Variants in SLITRK5 observed in about 807,000 individuals in gnomAD.
SLITRK5 encodes the protein SLIT and NTRK-like protein 5.
A neutral mutation model predicts 56.2 loss-of-function variants in SLITRK5; 23 were observed. That is an observed-to-expected ratio of 0.41 (90% CI 0.29 to 0.58). The LOEUF (loss-of-function observed/expected upper bound fraction) is 0.58, where lower values mean the gene tolerates loss of function less well. Ranked by LOEUF, SLITRK5 falls within the 20% of genes least tolerant of loss-of-function variation. The pLI is 0.30. For missense variants in SLITRK5, 1,289 were observed against 1,226.6 expected, an observed-to-expected ratio of 1.05 and a Z score of -0.76; for synonymous variants, 637 against 531.8, an observed-to-expected ratio of 1.20 and a Z score of -2.72.
Position 87,675,809 on chromosome 13 carries a change from C to G in SLITRK5, c.421C>G (p.Leu141Val), listed in dbSNP as rs1877249041. The G allele has an allele frequency of 1.9e-6, 3 of 1,614,140 alleles. No homozygotes were observed. The highest frequency in any genetic ancestry group is 2.5e-6 in the Non-Finnish European group (3 of 1,180,030). ...GAGATTGCATCTAAACAATAATAAA[C>G]TGGAACTTCTGCGAGATGATACCTT... ...LRRLHLNNNK[L>V]ELLRDDTFLG... is the part of the protein sequence containing the mutation. The change falls in exon 2 of 2, where the codon CTG becomes GTG. Residue 141 changes from leucine to valine, a missense_variant. Coordinates refer to ENST00000683689, the MANE Select transcript of SLITRK5 (RefSeq NM_001384609.1).
In SLITRK5 at chr13:87,676,976, C is replaced by T. The variant is rs773184424; in HGVS notation, c.1588C>T (p.Leu530Phe). 3.1e-6 allele frequency: 5 copies of T among 1,614,060 alleles called. No homozygotes were observed. The highest frequency in any genetic ancestry group is 1.3e-5 in the African/African-American group (1 of 74,934). The stretch of plus-strand genomic sequence containing the variant: ...CTCAGGCGTCTTCTCTGGCTTGACC[C>T]TCCTCAGGCTAAACCTGAGGAGTAA... ...MPSGVFSGLT[L>F]LRLNLRSNHF... The change falls in exon 2 of 2, where the codon CTC becomes TTC. Residue 530 changes from leucine to phenylalanine, a missense_variant. By Grantham distance (22) the Leu-to-Phe change is conservative. This residue lies in a region of SLITRK5 where 985 missense variants were observed against 906.0 expected (regional missense o/e 1.09). Coordinates refer to ENST00000683689, the MANE Select transcript of SLITRK5 (RefSeq NM_001384609.1).
chr13:87,677,900 A>G lies in SLITRK5; in HGVS notation c.2512A>G (p.Ile838Val), dbSNP rs750930539. Residue 838 changes from isoleucine to valine, a missense_variant, in exon 2 of 2, where the codon ATC becomes GTC. Coordinates refer to ENST00000683689, the MANE Select transcript of SLITRK5 (RefSeq NM_001384609.1). The surrounding 1 kb of genome is among the most constrained non-coding windows in gnomAD (Gnocchi z 4.7). ...GAGCCCCGCCTACAGCGTCAGCACC[A>G]TCGAGCCCCGGGAGGACCTGCTGTC... ...LRSPAYSVST[I>V]EPREDLLSPV... 2 of 1,613,304 alleles carry G rather than the reference A, an allele frequency of 1.2e-6. No individual in the cohort carries two copies. The highest frequency in any genetic ancestry group is 1.7e-6 in the Non-Finnish European group (2 of 1,179,682).
chr13:87,674,007 AACACACACACAC>A (rs71101016), intron 1 of SLITRK5, among the ~76,000 whole-genome samples: 36 of 142,494 alleles, frequency 2.5e-4, no homozygotes, highest in East Asian at 1.0e-3. Flanking sequence ...CGCACACACA[AACACACACACAC>A]ACACACACAC....
rs1877025202 is a variant in SLITRK5, at chr13:87,671,589, A to C, written c.-629A>C. Among the ~76,000 whole-genome samples, 1 of 151,890 alleles carries C rather than the reference A, an allele frequency of 6.6e-6. No individual in the cohort carries two copies. Among genetic ancestry groups the C allele is most frequent in the Non-Finnish European group, 1.5e-5 (1 of 67,982 alleles). On this transcript the variant is annotated 5_prime_UTR_variant, in exon 1 of 2. Coordinates refer to ENST00000683689, the MANE Select transcript of SLITRK5 (RefSeq NM_001384609.1). ...TTTTTAGAGCCACCGGGCTGCCAGG[A>C]CAAGCCACAGGCATAGAACGACGCG... is the stretch of plus-strand genomic sequence containing the variant.
chr13:87,675,293 T>C, intron 1 of SLITRK5, 88 bp from the exon 2 acceptor site: 1 of 897,430 alleles, frequency 1.1e-6, no homozygotes, highest in Non-Finnish European at 1.8e-6. Context: ...TTTAGAGTAA[T>C]AATGTTAAGA....
At position 87,678,104 on chromosome 13, in the gene SLITRK5, G is replaced by A; in HGVS notation, c.2716G>A (p.Ala906Thr). 2 of 1,614,232 alleles carry A rather than the reference G, an allele frequency of 1.2e-6. No individual in the cohort carries two copies. Among genetic ancestry groups the A allele is most frequent in the East Asian group, 2.2e-5 (1 of 44,864 alleles). ...RRPHQYLHPG[A>T]GDSRLREPVL... ...CCCCCATCAGTATTTGCACCCGGGG[G>A]CAGGGGACAGCAGGCTACGGGAACC... The change falls in exon 2 of 2, where the codon GCA (alanine) becomes ACA (threonine). Residue 906 changes from alanine to threonine, a missense_variant. This residue lies in a region of SLITRK5 where 985 missense variants were observed against 906.0 expected (regional missense o/e 1.09). Coordinates refer to ENST00000683689, the MANE Select transcript of SLITRK5 (RefSeq NM_001384609.1).
rs1002422804 is a variant in SLITRK5, at chr13:87,671,886, C to T, written c.-332C>T. On this transcript the variant is annotated 5_prime_UTR_variant, in exon 1 of 2. Coordinates refer to ENST00000683689, the MANE Select transcript of SLITRK5 (RefSeq NM_001384609.1). Reference sequence around the variant, plus strand: ...TGGGGGGCGGAGGACAGCGCAGGAGCTGCAGCCGCCGCCTTCGCTGGAGCA... The same window carrying T: ...TGGGGGGCGGAGGACAGCGCAGGAGTTGCAGCCGCCGCCTTCGCTGGAGCA... Among the ~76,000 whole-genome samples, 1 of 152,058 alleles carries T rather than the reference C, an allele frequency of 6.6e-6. No individual in the cohort carries two copies. The highest frequency in any genetic ancestry group is 1.5e-5 in the Non-Finnish European group (1 of 68,000).
intron 1 of SLITRK5, chr13:87,673,529 T>G: frequency 2.3e-6 from 3 of 1,281,292 alleles, no homozygotes; most frequent in Non-Finnish European, 3.1e-6. Flanking sequence ...CCAACCTCGC[T>G]GAATGGATGT....
intron 1 of SLITRK5, among the ~76,000 whole-genome samples, chr13:87,674,969 G>A (rs375901906): frequency 2.0e-5 from 3 of 149,216 alleles, no homozygotes; most frequent in African/African-American, 7.4e-5. Flanking sequence ...GGGGGTGGGG[G>A]CTGGGTATAG....
In SLITRK5 at chr13:87,675,487, C is replaced by T. The variant is rs755181402; in HGVS notation, c.99C>T (p.Leu33=). The change falls in exon 2 of 2, where the codon CTC becomes CTT. Residue 33 remains leucine, a synonymous_variant. Coordinates refer to ENST00000683689, the MANE Select transcript of SLITRK5 (RefSeq NM_001384609.1). ...LQTLAFAVTS[L]VLSCAETIDY... ...CTCTAGCGTTTGCTGTAACATCTCT[C>T]GTCCTTTCGTGTGCAGAAACCATCG... The T allele has an allele frequency of 2.5e-6, 4 of 1,614,028 alleles. No individual in the cohort carries two copies. Among genetic ancestry groups the T allele is most frequent in the Non-Finnish European group, 2.5e-6 (3 of 1,180,006 alleles).
Position 87,671,813 on chromosome 13 carries a change from C to A in SLITRK5, c.-405C>A, listed in dbSNP as rs541711096. ...GGGGCCGCGGCGGCGGCGGGCTCGG[C>A]GCGGAGACAGCGTCGGCGGGATCCC... On this transcript the variant is annotated 5_prime_UTR_variant, in exon 1 of 2. Transcript: ENST00000683689. Among the ~76,000 whole-genome samples the A allele has an allele frequency of 6.6e-6, 1 of 151,992 alleles. No homozygotes were observed. The highest frequency in any genetic ancestry group is 1.5e-5 in the Non-Finnish European group (1 of 67,982).
chr13:87,674,859 G>A (rs1389702877), intron 1 of SLITRK5, among the ~76,000 whole-genome samples: 2 of 150,872 alleles, frequency 1.3e-5, no homozygotes, highest in Non-Finnish European at 3.0e-5. Context: ...TTCTAGCGAT[G>A]GTTTAAAATA....
intron 1 of SLITRK5, among the ~76,000 whole-genome samples, chr13:87,674,104 G>A (rs1253146939): frequency 1.3e-5 from 2 of 151,914 alleles, no homozygotes; most frequent in Non-Finnish European, 2.9e-5. Flanking sequence ...GGAAGTGGAA[G>A]GAAGCCTTCA....
chr13:87,671,828 G>C lies in SLITRK5; in HGVS notation c.-390G>C, dbSNP rs931585884. On this transcript the variant is annotated 5_prime_UTR_variant, in exon 1 of 2. Coordinates refer to ENST00000683689, the MANE Select transcript of SLITRK5 (RefSeq NM_001384609.1). ...GCGGGCTCGGCGCGGAGACAGCGTC[G>C]GCGGGATCCCAGCGCGGTGGTCGCC... Among the ~76,000 whole-genome samples the C allele has an allele frequency of 1.3e-5, 2 of 151,966 alleles. No individual in the cohort carries two copies. Among genetic ancestry groups the C allele is most frequent in the Non-Finnish European group, 2.9e-5 (2 of 67,978 alleles).
In SLITRK5 at chr13:87,677,057, C is replaced by T; in HGVS notation, c.1669C>T (p.Gln557Ter). Reference protein sequence around the residue: ...GVLDQLKSLIQIDLHDNPWDC... With the variant: ...GVLDQLKSLI ...TTTGGACCAGCTGAAGTCACTCATCCAAATCGACCTGCATGACAATCCTTG... is the reference window on the plus strand; with the variant it reads ...TTTGGACCAGCTGAAGTCACTCATCTAAATCGACCTGCATGACAATCCTTG... The change falls in exon 2 of 2, where the codon CAA (glutamine) becomes TAA (stop). Residue 557 changes from glutamine to a stop codon, truncating the protein, a stop_gained. Transcript: ENST00000683689. LOFTEE classifies it high-confidence loss of function. This position sits in a 1 kb window ranked among gnomAD's most constrained non-coding sequence, Gnocchi z 4.7. 1 of 1,614,000 alleles carries T rather than the reference C, an allele frequency of 6.2e-7. No homozygotes were observed. The highest frequency in any genetic ancestry group is 2.2e-5 in the East Asian group (1 of 44,864).
At chr13:87,674,933 C>T (rs1465063913) in intron 1 of SLITRK5, among the ~76,000 whole-genome samples, 1 of 136,968 alleles carries the variant, frequency 7.3e-6, no homozygotes, top group Non-Finnish European at 1.5e-5. Context: ...GAACTGTTAA[C>T]TGAAGAGGCT....
intron 1 of SLITRK5, among the ~76,000 whole-genome samples, chr13:87,673,741 C>T (rs928896495): frequency 5.3e-4 from 80 of 152,068 alleles, no homozygotes; most frequent in African/African-American, 1.8e-3. Context: ...CGCAGGCACA[C>T]TGATACATGT....
rs369901615 is a variant in SLITRK5 at position 87,676,948 on chromosome 13, G to T, written c.1560G>T (p.Met520Ile). 1.4e-5 allele frequency: 22 copies of T among 1,614,020 alleles called. No individual in the cohort carries two copies. The highest frequency in any genetic ancestry group is 1.9e-5 in the Non-Finnish European group (22 of 1,180,026). ...TGAATAACAACCTCCTGCAGGCCAT[G>T]CCCTCAGGCGTCTTCTCTGGCTTGA... ...LFLNNNLLQA[M>I]PSGVFSGLTL... Residue 520 changes from methionine (M) to isoleucine (I), a missense_variant, in exon 2 of 2, where the codon ATG (methionine) becomes ATT (isoleucine). Coordinates refer to ENST00000683689, the MANE Select transcript of SLITRK5 (RefSeq NM_001384609.1).
Position 87,677,165 on chromosome 13 carries a change from A to T in SLITRK5, c.1777A>T (p.Lys593Ter). 6.2e-7 allele frequency: 1 copy of T among 1,614,152 alleles called. No individual in the cohort carries two copies. The highest frequency in any genetic ancestry group is 8.5e-7 in the Non-Finnish European group (1 of 1,180,018). Residue 593 changes from lysine to a stop codon, truncating the protein, a stop_gained, in exon 2 of 2, where the codon AAG becomes TAG. Coordinates refer to ENST00000683689, the MANE Select transcript of SLITRK5 (RefSeq NM_001384609.1). LOFTEE classifies it high-confidence loss of function. The surrounding 1 kb of genome is among the most constrained non-coding windows in gnomAD (Gnocchi z 4.7). ...VGVLVDEVICKAPKKFAETDM... is the reference protein window; with the variant it reads ...VGVLVDEVIC ...CGTCCTAGTGGACGAGGTGATCTGT[A>T]AGGCGCCCAAAAAATTCGCTGAGAC... is the stretch of plus-strand genomic sequence containing the variant.
Sources: gnomAD v4.1 joint callset for allele counts (sites outside exome capture counted in the v4.1 genomes callset) on GRCh38, gnomAD v4.1.1 for gene constraint, gnomAD v4.1.1 regional missense constraint, Gnocchi (gnomAD v3.1) non-coding constraint, MANE v1.5 for transcripts, NCBI Gene and HGNC (gene_info 2026-07-23, HGNC 2026-07-21) for gene names.